The following TXNRD1 variants were observed in gnomAD, a reference collection of about 807,000 sequenced individuals.
TXNRD1 encodes the protein thioredoxin reductase 1, cytoplasmic.
Under a neutral mutation model 80.3 loss-of-function variants are expected in TXNRD1, and 57 were observed. The observed-to-expected ratio is 0.71, with a 90% CI of 0.57 to 0.89. The LOEUF is 0.89. TXNRD1 is among the 40% of genes least tolerant of loss of function. TXNRD1 has a pLI of 0.00. For missense variants in TXNRD1, 730 were observed against 803.0 expected (o/e 0.91, Z 1.10); for synonymous variants, 291 against 285.2 (o/e 1.02, Z -0.20).
intron 6 of TXNRD1, among the ~76,000 whole-genome samples, chr12:104,313,861 G>A (rs755828692): frequency 2.8e-4 from 42 of 152,248 alleles, no homozygotes; most frequent in Admixed American, 4.6e-4. Flanking sequence ...AACTTTAGGA[G>A]TTGTGGTAAG....
intron 1 of TXNRD1, among the ~76,000 whole-genome samples, chr12:104,248,373 C>A (rs2135701315): frequency 6.6e-6 from 1 of 152,296 alleles, no homozygotes; most frequent in East Asian, 1.9e-4. Context: ...CAACCTCCAC[C>A]TCCTGGGTTC....
At chr12:104,233,073 A>G (rs1310183492) in intron 1 of TXNRD1, among the ~76,000 whole-genome samples, 2 of 152,382 alleles carry the variant, frequency 1.3e-5, no homozygotes, top group Middle Eastern at 3.4e-3. Flanking sequence ...GAAGAGATGT[A>G]TGCTGTAAGC....
intron 1 of TXNRD1, among the ~76,000 whole-genome samples, chr12:104,227,207 T>C (rs1158536525): frequency 6.6e-6 from 1 of 152,132 alleles, no homozygotes; most frequent in African/African-American, 2.4e-5. Context: ...ATTTTTAAAA[T>C]TGGTATACAA....
intron 4 of TXNRD1, chr12:104,309,975 C>T (rs1445369706): frequency 2.0e-6 from 3 of 1,536,132 alleles, no homozygotes; most frequent in Non-Finnish European, 2.6e-6. Context: ...GTGCTTCCTC[C>T]TTCACATTGC....
chr12:104,329,951 A>G (rs1393018843), intron 13 of TXNRD1, among the ~76,000 whole-genome samples: 1 of 152,208 alleles, frequency 6.6e-6, no homozygotes, highest in African/African-American at 2.4e-5. Context: ...CGCAGGGATC[A>G]CAGGCTTGCA....
chr12:104,294,217 A>C, intron 4 of TXNRD1, among the ~76,000 whole-genome samples: 4 of 76,888 alleles, frequency 5.2e-5, no homozygotes, highest in Non-Finnish European at 7.4e-5. Flanking sequence ...TCTTCTCTAA[A>C]CTCCCCCGGG....
At chr12:104,236,787 C>CA (rs35066909) in intron 1 of TXNRD1, among the ~76,000 whole-genome samples, 18,688 of 112,716 alleles carry the variant, frequency 0.17, 1,532 homozygotes, top group Middle Eastern at 0.23. Flanking sequence ...AAAACTGTCT[C>CA]AAAAAAAAAA....
At chr12:104,252,659 TTTTTA>T (rs1418547324) in intron 2 of TXNRD1, among the ~76,000 whole-genome samples, 11 of 5,540 alleles carry the variant, frequency 2.0e-3, no homozygotes, top group South Asian at 7.9e-3. Flanking sequence ...AATTTATTAT[TTTTTA>T]TATATATATA....
intron 2 of TXNRD1, among the ~76,000 whole-genome samples, chr12:104,252,803 T>C (rs1267873246): frequency 2.1e-5 from 3 of 143,078 alleles, no homozygotes; most frequent in Admixed American, 7.3e-5. Flanking sequence ...CCCGGGTTCA[T>C]GCCATTTTCC....
At chr12:104,268,124 G>A (rs1405398835) in intron 3 of TXNRD1, among the ~76,000 whole-genome samples, 3 of 151,250 alleles carry the variant, frequency 2.0e-5, no homozygotes, top group Non-Finnish European at 4.4e-5. Flanking sequence ...CAAAGTGCTG[G>A]GATTACAGGT....
chr12:104,346,102 T>G (rs2036482146), intron 16 of TXNRD1: 1 of 813,284 alleles, frequency 1.2e-6, no homozygotes, highest in Non-Finnish European at 1.8e-6. Context: ...AGCCTTGACC[T>G]TTCAAGCTCA....
At chr12:104,241,064 G>C (rs960075247) in intron 1 of TXNRD1, among the ~76,000 whole-genome samples, 1 of 147,990 alleles carries the variant, frequency 6.8e-6, no homozygotes, top group Non-Finnish European at 1.5e-5. Context: ...TTTTGAGACA[G>C]AGTCTCACTC....
At chr12:104,225,597 C>T (rs975563501) in intron 1 of TXNRD1, among the ~76,000 whole-genome samples, 3 of 152,080 alleles carry the variant, frequency 2.0e-5, no homozygotes, top group Admixed American at 2.0e-4. Flanking sequence ...TAAAGGGCTT[C>T]CCCCTTCACT....
Position 104,335,914 on chromosome 12 carries a change from A to G in TXNRD1, c.1746+1582A>G, listed in dbSNP as rs922105063. On this transcript the variant is annotated intron_variant, in intron 15 of 16. Transcript: ENST00000525566. ...AGGGTTTTAGAAAACATTTTCTTGA[A>G]TCCTCTGCAAAAAAGATTCAAATGA... Among the ~76,000 whole-genome samples the G allele has an allele frequency of 4.6e-5, 7 of 152,224 alleles. No homozygotes were observed. The South Asian group carries it at 1.4e-3, about 31-fold the overall frequency.
chr12:104,267,284 C>CTTTCTTTCTTTCTTTCTTTCTT (rs2033524577), intron 3 of TXNRD1, among the ~76,000 whole-genome samples: 5 of 9,182 alleles, frequency 5.4e-4, no homozygotes, highest in African/African-American at 7.8e-4. Flanking sequence ...TCTTTCTTTC[C>CTTTCTTTCTTTCTTTCTTTCTT]TCTTTCTGTC....
chr12:104,315,143 C>CA (rs1227773951), intron 6 of TXNRD1, among the ~76,000 whole-genome samples: 1 of 152,192 alleles, frequency 6.6e-6, no homozygotes, highest in Non-Finnish European at 1.5e-5. Flanking sequence ...GATTCAATGG[C>CA]AAGTGCAGAT....
At chr12:104,224,913 A>T in intron 1 of TXNRD1, 1 of 456,696 alleles carries the variant, frequency 2.2e-6, no homozygotes. Flanking sequence ...TAAAATTGCC[A>T]TTGTTATGAG....
chr12:104,271,250 A>G (rs2033646905), intron 3 of TXNRD1, among the ~76,000 whole-genome samples: 1 of 143,220 alleles, frequency 7.0e-6, no homozygotes, highest in African/African-American at 2.6e-5. Flanking sequence ...CAGTGGTGCG[A>G]TCTGGGCTCA....
intron 6 of TXNRD1, among the ~76,000 whole-genome samples, chr12:104,315,000 C>A (rs1189929676): frequency 6.6e-6 from 1 of 152,154 alleles, no homozygotes; most frequent in Non-Finnish European, 1.5e-5. Context: ...GCCTCGGCCT[C>A]CCAAAGTGCT....
Sources: gnomAD v4.1 joint callset for allele counts (sites outside exome capture counted in the v4.1 genomes callset) on GRCh38, gnomAD v4.1.1 for gene constraint, MANE v1.5 for transcripts, NCBI Gene and HGNC (gene_info 2026-07-23, HGNC 2026-07-21) for gene names.